Variants in THSD7A observed in about 807,000 individuals in gnomAD.
The protein encoded by THSD7A is thrombospondin type-1 domain-containing protein 7A.
In THSD7A, 96 loss-of-function variants were observed where a neutral mutation model predicts 231.3. That is an observed-to-expected ratio of 0.41 (90% CI 0.35 to 0.49). The LOEUF is 0.49. Ranked by LOEUF, THSD7A falls within the 20% of genes least tolerant of loss-of-function variation. THSD7A has a pLI of 0.05. For synonymous variants in THSD7A, 940 were observed against 743.3 expected, an observed-to-expected ratio of 1.26 and a Z score of -4.30; for missense variants, 2,290 against 2,070.2, an observed-to-expected ratio of 1.11 and a Z score of -2.06.
intron 16 of THSD7A, among the ~76,000 whole-genome samples, chr7:11,420,189 G>A (rs1365804965): frequency 4.6e-5 from 7 of 152,204 alleles, no homozygotes; most frequent in Non-Finnish European, 8.8e-5. Flanking sequence ...CCAAATGTTA[G>A]TAGCCAAGAC....
rs1189659449 is a variant in THSD7A, at chr7:11,769,128, T to C, written c.190+62629A>G. Among the ~76,000 whole-genome samples, 76 of 36,122 alleles carry C rather than the reference T, an allele frequency of 2.1e-3. 9 individuals carry two copies. The highest frequency in any genetic ancestry group is 5.3e-3 in the African/African-American group (60 of 11,406). The allele number at this position is 36,122 out of a possible 152,430, so 23.7% of individuals were successfully genotyped here. On this transcript the variant is annotated intron_variant, in intron 1 of 27. Transcript: ENST00000423059. ...ACCTGCCATAATTCCTGGCAATATA[T>C]ATATATATATATATATATATATATA...
intron 6 of THSD7A, among the ~76,000 whole-genome samples, chr7:11,516,054 T>A (rs964868091): frequency 3.3e-5 from 5 of 152,212 alleles, no homozygotes; most frequent in Non-Finnish European, 5.9e-5. Flanking sequence ...TTAAAAGTGA[T>A]TTTTCCGTTT....
intron 4 of THSD7A, among the ~76,000 whole-genome samples, chr7:11,546,035 G>T (rs997033287): frequency 2.0e-5 from 3 of 152,076 alleles, no homozygotes; most frequent in Non-Finnish European, 4.4e-5. Context: ...CCCAATGAGG[G>T]TGCTTTCCAG....
At chr7:11,756,633 G>T (rs937807757) in intron 1 of THSD7A, among the ~76,000 whole-genome samples, 4 of 152,108 alleles carry the variant, frequency 2.6e-5, no homozygotes, top group Admixed American at 2.6e-4. Flanking sequence ...TGATCATAAA[G>T]AAAAAGGAGA....
intron 6 of THSD7A, among the ~76,000 whole-genome samples, chr7:11,529,948 T>C (rs956172884): frequency 5.3e-5 from 8 of 152,150 alleles, no homozygotes; most frequent in African/African-American, 1.7e-4. Context: ...ATTTAGCATA[T>C]ATTAACTCAT....
intron 1 of THSD7A, among the ~76,000 whole-genome samples, chr7:11,647,875 C>G (rs1444782641): frequency 1.3e-5 from 2 of 152,066 alleles, no homozygotes; most frequent in East Asian, 1.9e-4. Flanking sequence ...TGCGTCCATA[C>G]ATAGCACCCA....
At chr7:11,678,781 T>G (rs1783748691) in intron 1 of THSD7A, among the ~76,000 whole-genome samples, 2 of 152,176 alleles carry the variant, frequency 1.3e-5, no homozygotes, top group South Asian at 4.1e-4. Flanking sequence ...AAAGAGGAGC[T>G]GGTACCATTC....
At chr7:11,562,056 A>G (rs944005846) in intron 4 of THSD7A, among the ~76,000 whole-genome samples, 13 of 152,218 alleles carry the variant, frequency 8.5e-5, no homozygotes, top group Non-Finnish European at 2.9e-5. Flanking sequence ...CTAGAATGAT[A>G]TAAGTTTTCA....
intron 8 of THSD7A, among the ~76,000 whole-genome samples, chr7:11,473,197 C>T (rs2189310): frequency 0.78 from 118,579 of 152,096 alleles, 46,403 homozygotes; most frequent in East Asian, 0.9. Context: ...CCTGGCCAGA[C>T]ACAAACATCT....
chr7:11,518,462 G>T (rs1354061913), intron 6 of THSD7A, among the ~76,000 whole-genome samples: 1 of 152,118 alleles, frequency 6.6e-6, no homozygotes, highest in African/African-American at 2.4e-5. Context: ...GAATGCTTTG[G>T]TAAGTGCCAG....
intron 4 of THSD7A, among the ~76,000 whole-genome samples, chr7:11,546,321 C>A (rs1297864174): frequency 6.6e-6 from 1 of 152,130 alleles, no homozygotes; most frequent in Non-Finnish European, 1.5e-5. Context: ...AGTGCTTTTG[C>A]CAGCACCCTC....
Position 11,494,001 on chromosome 7 carries a change from T to C in THSD7A, c.1823-12019A>G, listed in dbSNP as rs187342537. Reference sequence around the variant, plus strand: ...ACAGATTTATACCAATACACCTTAGTATAATTTTACCTAAAATCTAAAAGC... The same window carrying C: ...ACAGATTTATACCAATACACCTTAGCATAATTTTACCTAAAATCTAAAAGC... On this transcript the variant is annotated intron_variant, in intron 6 of 27. Coordinates refer to ENST00000423059, the MANE Select transcript of THSD7A (RefSeq NM_015204.3). Among the ~76,000 whole-genome samples the C allele has an allele frequency of 2.4e-4, 37 of 152,160 alleles. No individual in the cohort carries two copies. The East Asian group carries it at 6.6e-3, about 27-fold the overall frequency.
At chr7:11,439,886 G>C (rs558798174) in intron 13 of THSD7A, among the ~76,000 whole-genome samples, 1 of 152,182 alleles carries the variant, frequency 6.6e-6, no homozygotes, top group Admixed American at 6.6e-5. Context: ...AATAGATTAA[G>C]ATGACTACAT....
At chr7:11,416,525 C>T (rs1164638195) in intron 17 of THSD7A, among the ~76,000 whole-genome samples, 1 of 152,152 alleles carries the variant, frequency 6.6e-6, no homozygotes, top group African/African-American at 2.4e-5. Context: ...AACTTGCATT[C>T]CAATCAACTG....
At chr7:11,393,776 A>G (rs1210798441) in intron 23 of THSD7A, among the ~76,000 whole-genome samples, 2 of 152,248 alleles carry the variant, frequency 1.3e-5, no homozygotes, top group Admixed American at 1.3e-4. Context: ...GAGATTGAAG[A>G]TCAACTTAAT....
At chr7:11,707,919 A>G (rs1315608009) in intron 1 of THSD7A, among the ~76,000 whole-genome samples, 1 of 150,822 alleles carries the variant, frequency 6.6e-6, no homozygotes, top group Non-Finnish European at 1.5e-5. Context: ...AAGTTTGAAT[A>G]TGCATCTCTT....
chr7:11,550,095 C>G (rs1453145035), intron 4 of THSD7A, among the ~76,000 whole-genome samples: 2 of 152,112 alleles, frequency 1.3e-5, no homozygotes, highest in African/African-American at 4.8e-5. Flanking sequence ...ACCCCGTAAT[C>G]TCTGCCCAAA....
Position 11,500,420 on chromosome 7 carries a change from T to C in THSD7A, c.1823-18438A>G, listed in dbSNP as rs113248902. Among the ~76,000 whole-genome samples the C allele has an allele frequency of 2.6e-3, 395 of 151,982 alleles. 3 individuals carry two copies. The highest frequency in any genetic ancestry group is 9.2e-3 in the African/African-American group (383 of 41,416). On this transcript the variant is annotated intron_variant, in intron 6 of 27. Transcript: ENST00000423059. ...CAACCACACAAACAAGCCAACACAATAACCAGCTAACAGCACAATGATAGG... is the reference window on the plus strand; with the variant it reads ...CAACCACACAAACAAGCCAACACAACAACCAGCTAACAGCACAATGATAGG...
chr7:11,428,757 T>A (rs540764845), intron 14 of THSD7A, among the ~76,000 whole-genome samples, 190 bp downstream of exon 14: 4 of 152,324 alleles, frequency 2.6e-5, no homozygotes, highest in Admixed American at 2.0e-4. Context: ...AGGTATGGAA[T>A]CTCCAGAGAA....
Sources: allele counts gnomAD v4.1 joint callset (sites outside exome capture counted in the v4.1 genomes callset), GRCh38; gene constraint gnomAD v4.1.1; transcripts MANE v1.5; gene names NCBI Gene and HGNC (gene_info 2026-07-23, HGNC 2026-07-21).